Variants in ELP4 observed in about 807,000 individuals in gnomAD.
The protein encoded by ELP4 is elongator complex protein 4.
A neutral mutation model predicts 48.9 loss-of-function variants in ELP4; 51 were observed. The observed-to-expected ratio is 1.04, with a 90% CI of 0.83 to 1.32. The LOEUF is 1.32. Among genes scored for constraint, ELP4 ranks in the 40% most tolerant of loss-of-function variants. ELP4 has a pLI of 0.00. For missense variants in ELP4, 519 were observed against 514.6 expected (o/e 1.01, Z -0.08); for synonymous variants, 210 against 189.2 (o/e 1.11, Z -0.90).
chr11:31,703,433 T>C (rs940738776), intron 9 of ELP4, among the ~76,000 whole-genome samples: 4 of 152,248 alleles, frequency 2.6e-5, no homozygotes, highest in African/African-American at 9.6e-5. Context: ...AGCCAGTGTT[T>C]TTCAAAGTAT....
At chr11:31,774,625 G>C (rs953625349) in intron 9 of ELP4, among the ~76,000 whole-genome samples, 2 of 152,156 alleles carry the variant, frequency 1.3e-5, no homozygotes, top group Non-Finnish European at 2.9e-5. Flanking sequence ...GTTCCACATA[G>C]AGCCTCTGAT....
chr11:31,605,447 A>G (rs1221709918), intron 5 of ELP4, among the ~76,000 whole-genome samples: 3 of 152,040 alleles, frequency 2.0e-5, no homozygotes, highest in Non-Finnish European at 2.9e-5. Context: ...TTTTCCCATA[A>G]TTTTTCAAAT....
At chr11:31,621,742 C>T (rs1944625859) in intron 5 of ELP4, among the ~76,000 whole-genome samples, 1 of 151,890 alleles carries the variant, frequency 6.6e-6, no homozygotes, top group Non-Finnish European at 1.5e-5. Context: ...AGAGAAATCT[C>T]TTCCTAAAAC....
chr11:31,696,480 G>T (rs1946409527), intron 9 of ELP4, among the ~76,000 whole-genome samples: 1 of 152,166 alleles, frequency 6.6e-6, no homozygotes, highest in African/African-American at 2.4e-5. Flanking sequence ...GAGTGATTTT[G>T]AGAGAGTTTC....
At chr11:31,752,432 C>A (rs1947741730) in intron 9 of ELP4, among the ~76,000 whole-genome samples, 1 of 152,082 alleles carries the variant, frequency 6.6e-6, no homozygotes, top group South Asian at 2.1e-4. Context: ...GGAAATATTT[C>A]TACTAAAGTC....
At chr11:31,655,171 T>A (rs1223387756) in intron 9 of ELP4, among the ~76,000 whole-genome samples, 2 of 152,026 alleles carry the variant, frequency 1.3e-5, no homozygotes, top group African/African-American at 4.8e-5. Context: ...TGTTTATGCT[T>A]TTATTCTCAA....
chr11:31,593,332 A>C (rs1160344629), intron 3 of ELP4, among the ~76,000 whole-genome samples: 1 of 151,892 alleles, frequency 6.6e-6, no homozygotes, highest in African/African-American at 2.4e-5. Flanking sequence ...GGCTCACTTT[A>C]GCCTCAACCT....
chr11:31,714,641 A>T, intron 9 of ELP4: 1 of 398,560 alleles, frequency 2.5e-6, no homozygotes, highest in East Asian at 3.6e-5. Context: ...GCAGAGGTCC[A>T]AAAAGGGGTC....
intron 5 of ELP4, among the ~76,000 whole-genome samples, chr11:31,608,481 T>A (rs538230782): frequency 6.6e-6 from 1 of 151,870 alleles, no homozygotes; most frequent in African/African-American, 2.4e-5. Flanking sequence ...TGTTGGGAAA[T>A]TTAGAGGGGT....
At chr11:31,593,719 G>A (rs750489036) in intron 3 of ELP4, among the ~76,000 whole-genome samples, 16 of 152,072 alleles carry the variant, frequency 1.1e-4, no homozygotes, top group African/African-American at 1.7e-4. Context: ...TCACAAATAC[G>A]TATTTCCACT....
Position 31,627,134 on chromosome 11 carries a change from G to C in ELP4, c.678G>C (p.Lys226Asn), listed in dbSNP as rs773782536. ...GTTCTTTGACCCCTGGCTACACAAA[G>C]CTGCTTCAGTTTATCCAGAACATCA... ...EPCSLTPGYT[K>N]LLQFIQNIIY... The change falls in exon 6 of 10, where the codon AAG becomes AAC. Residue 226 changes from lysine to asparagine, a missense_variant. By Grantham distance (94) the Lys-to-Asn change is moderately conservative. Coordinates refer to ENST00000640961, the MANE Select transcript of ELP4 (RefSeq NM_019040.5). 2.1e-5 allele frequency: 34 copies of C among 1,607,564 alleles called. No individual in the cohort carries two copies. Among genetic ancestry groups the C allele is most frequent in the Non-Finnish European group, 2.6e-5 (30 of 1,176,184 alleles).
At chr11:31,533,375 T>TTTTTTTTTTTTTTTTTTTTTTTG in intron 2 of ELP4, among the ~76,000 whole-genome samples, 1 of 117,462 alleles carries the variant, frequency 8.5e-6, no homozygotes, top group African/African-American at 3.4e-5. Flanking sequence ...ATTCTTTTTT[T>TTTTTTTTTTTTTTTTTTTTTTTG]TTTTTTTTTT....
chr11:31,768,163 T>C (rs1948076803), intron 9 of ELP4, among the ~76,000 whole-genome samples: 1 of 152,176 alleles, frequency 6.6e-6, no homozygotes, highest in Non-Finnish European at 1.5e-5. Flanking sequence ...TAATTAGCAA[T>C]TAGTCAACAT....
At chr11:31,519,265 TAAAA>T (rs568391671) in intron 1 of ELP4, among the ~76,000 whole-genome samples, 83 of 152,320 alleles carry the variant, frequency 5.4e-4, no homozygotes, top group Non-Finnish European at 6.8e-4. Flanking sequence ...TTATTCATAA[TAAAA>T]AAGAATTAAC....
intron 3 of ELP4, among the ~76,000 whole-genome samples, chr11:31,557,747 T>C (rs1311136667): frequency 6.6e-6 from 1 of 152,056 alleles, no homozygotes; most frequent in South Asian, 2.1e-4. Context: ...TGTAATCATA[T>C]ACAGATTCAG....
At chr11:31,772,372 C>T (rs1592298654) in intron 9 of ELP4, among the ~76,000 whole-genome samples, 1 of 152,110 alleles carries the variant, frequency 6.6e-6, no homozygotes, top group Non-Finnish European at 1.5e-5. Context: ...AGGCCTGCGT[C>T]GACCTCCCAA....
intron 4 of ELP4, among the ~76,000 whole-genome samples, chr11:31,601,999 A>G (rs1957792938): frequency 6.6e-6 from 1 of 152,110 alleles, no homozygotes; most frequent in South Asian, 2.1e-4. Context: ...GCATGGATTA[A>G]GGACACCAGT....
intron 4 of ELP4, among the ~76,000 whole-genome samples, chr11:31,603,501 A>G: frequency 6.6e-6 from 1 of 151,816 alleles, no homozygotes; most frequent in East Asian, 1.9e-4. Flanking sequence ...AAAAAAAACC[A>G]AAGAGGTTTG....
intron 4 of ELP4, chr11:31,600,326 A>G (rs913893393): frequency 6.6e-6 from 1 of 152,142 alleles, no homozygotes; most frequent in Non-Finnish European, 1.5e-5. Flanking sequence ...AGCCGACAGT[A>G]TATTCTGAGA....
Sources: gnomAD v4.1 joint callset for allele counts (sites outside exome capture counted in the v4.1 genomes callset) on GRCh38, gnomAD v4.1.1 for gene constraint, MANE v1.5 for transcripts, NCBI Gene and HGNC (gene_info 2026-07-23, HGNC 2026-07-21) for gene names.